Variants in OPCML observed in about 807,000 individuals in gnomAD.
The protein encoded by OPCML is opioid-binding protein/cell adhesion molecule.
Under a neutral mutation model 37.8 loss-of-function variants are expected in OPCML, and 13 were observed. The observed-to-expected ratio is 0.34, with a 90% CI of 0.22 to 0.55. The LOEUF (loss-of-function observed/expected upper bound fraction) is 0.55, where lower values mean the gene tolerates loss of function less well. Among genes scored for constraint, OPCML ranks in the 20% least tolerant of loss-of-function variants. The pLI is 0.91. For synonymous variants in OPCML, 176 were observed against 168.8 expected (o/e 1.04, Z -0.33); for missense variants, 341 against 435.6 (o/e 0.78, Z 1.93).
intron 2 of OPCML, among the ~76,000 whole-genome samples, chr11:132,782,192 G>A (rs1037905430): frequency 2.6e-5 from 4 of 151,970 alleles, no homozygotes; most frequent in Non-Finnish European, 4.4e-5. Flanking sequence ...AGATGTGAAT[G>A]AAGTGAGGAG....
chr11:132,673,452 G>A (rs1344970228), intron 2 of OPCML, among the ~76,000 whole-genome samples: 1 of 152,106 alleles, frequency 6.6e-6, no homozygotes, highest in African/African-American at 2.4e-5. Context: ...ACTATTTTCA[G>A]GAGTGAGAAT....
At chr11:132,856,580 C>A (rs2725440) in intron 2 of OPCML, among the ~76,000 whole-genome samples, 70,670 of 152,004 alleles carry the variant, frequency 0.46, 16,803 homozygotes, top group Middle Eastern at 0.55. Context: ...TCCCGATAAG[C>A]TCTCAGGAGG....
In OPCML at chr11:133,172,300, T is replaced by C. The variant is rs188853059; in HGVS notation, c.62-229290A>G. Reference sequence around the variant, plus strand: ...ATTCAGATGCATTTGCCATACAATATGCTAAGTGCTGTGGTGGAAACAGTG... The same window carrying C: ...ATTCAGATGCATTTGCCATACAATACGCTAAGTGCTGTGGTGGAAACAGTG... On this transcript the variant is annotated intron_variant, in intron 1 of 7. Coordinates refer to ENST00000524381, the MANE Select transcript of OPCML (RefSeq NM_001012393.5). Among the ~76,000 whole-genome samples, 3 of 152,246 alleles carry C rather than the reference T, an allele frequency of 2.0e-5. No individual in the cohort carries two copies. The East Asian group carries it at 5.8e-4, about 29-fold the overall frequency.
chr11:132,454,430 G>A (rs2136868919), intron 4 of OPCML, among the ~76,000 whole-genome samples: 1 of 152,320 alleles, frequency 6.6e-6, no homozygotes, highest in East Asian at 1.9e-4. Flanking sequence ...ACTCTTCCGA[G>A]GTCAGGCTTC....
chr11:132,958,554 G>A (rs572483840), intron 1 of OPCML, among the ~76,000 whole-genome samples: 2 of 152,350 alleles, frequency 1.3e-5, no homozygotes, highest in African/African-American at 4.8e-5. Context: ...GACTTTCATA[G>A]CTACAGAGGG....
chr11:133,267,201 G>C (rs1260214264), intron 1 of OPCML, among the ~76,000 whole-genome samples: 1 of 152,180 alleles, frequency 6.6e-6, no homozygotes, highest in Non-Finnish European at 1.5e-5. Flanking sequence ...TTTACTCGCA[G>C]TTTGATTTGG....
chr11:132,603,453 A>G (rs980259051), intron 3 of OPCML, among the ~76,000 whole-genome samples: 2 of 152,284 alleles, frequency 1.3e-5, no homozygotes, highest in East Asian at 3.9e-4. Flanking sequence ...TCTTAAATCC[A>G]TACATTATTC....
chr11:132,744,958 C>T (rs913746358), intron 2 of OPCML, among the ~76,000 whole-genome samples: 4 of 151,968 alleles, frequency 2.6e-5, no homozygotes, highest in African/African-American at 7.2e-5. Context: ...AGGAAGTGAA[C>T]GAGCTCCTAA....
chr11:132,427,771 T>A (rs917508202), intron 7 of OPCML, among the ~76,000 whole-genome samples: 5 of 152,208 alleles, frequency 3.3e-5, no homozygotes, highest in African/African-American at 1.2e-4. Context: ...AAATTCTAAA[T>A]GCTCAGGCTA....
intron 2 of OPCML, among the ~76,000 whole-genome samples, chr11:132,733,678 G>A (rs1028663912): frequency 2.6e-5 from 4 of 152,178 alleles, no homozygotes; most frequent in Non-Finnish European, 5.9e-5. Flanking sequence ...ACCTGGGTAT[G>A]AAACAAAGAA....
intron 1 of OPCML, among the ~76,000 whole-genome samples, chr11:132,986,266 TAGAGA>T (rs1946680319): frequency 6.6e-6 from 1 of 152,192 alleles, no homozygotes. Context: ...TCCTTGAGAT[TAGAGA>T]AAATATCTCA....
At chr11:132,749,184 C>G (rs1473632078) in intron 2 of OPCML, among the ~76,000 whole-genome samples, 2 of 152,136 alleles carry the variant, frequency 1.3e-5, no homozygotes, top group African/African-American at 4.8e-5. Context: ...TGCCCAGAAG[C>G]AAGCCCTCAC....
chr11:132,788,985 C>T (rs925113842), intron 2 of OPCML, among the ~76,000 whole-genome samples: 2 of 152,208 alleles, frequency 1.3e-5, no homozygotes, highest in Non-Finnish European at 2.9e-5. Context: ...CTAGTATCAG[C>T]TTCAGACTTT....
chr11:133,320,193 T>A lies in OPCML; in HGVS notation c.61+212071A>T, dbSNP rs117646835. ...CTCATTGACTGACACACTTAATTTTTCTAATCTGATCAATATTTGGTTAAT... is the reference window on the plus strand; with the variant it reads ...CTCATTGACTGACACACTTAATTTTACTAATCTGATCAATATTTGGTTAAT... On this transcript the variant is annotated intron_variant, in intron 1 of 7. Transcript: ENST00000524381. Among the ~76,000 whole-genome samples the A allele has an allele frequency of 6.6e-3, 1,007 of 152,336 alleles. 2 individuals are homozygous for A. Among genetic ancestry groups the A allele is most frequent in the Middle Eastern group, 0.014 (4 of 294 alleles).
chr11:133,467,625 T>C (rs1418519652), intron 1 of OPCML, among the ~76,000 whole-genome samples: 1 of 152,036 alleles, frequency 6.6e-6, no homozygotes, highest in Non-Finnish European at 1.5e-5. Flanking sequence ...CCATGGCAGG[T>C]TCTTCAGATG....
intron 1 of OPCML, among the ~76,000 whole-genome samples, chr11:133,168,537 A>T (rs892454817): frequency 6.6e-6 from 1 of 152,240 alleles, no homozygotes; most frequent in Non-Finnish European, 1.5e-5. Context: ...TTGAGCTGGC[A>T]GAAGACTTTA....
At chr11:132,690,770 T>C (rs543580021) in intron 2 of OPCML, among the ~76,000 whole-genome samples, 1 of 152,282 alleles carries the variant, frequency 6.6e-6, no homozygotes, top group East Asian at 1.9e-4. Context: ...TTGGGGTTAA[T>C]AAAGCCTAAG....
At chr11:132,668,725 G>A (rs532342669) in intron 2 of OPCML, among the ~76,000 whole-genome samples, 28 of 152,220 alleles carry the variant, frequency 1.8e-4, no homozygotes, top group African/African-American at 5.8e-4. Context: ...CTATAAAAAC[G>A]GATATTGATG....
At chr11:132,751,215 ATTC>A (rs1326377170) in intron 2 of OPCML, among the ~76,000 whole-genome samples, 1 of 151,900 alleles carries the variant, frequency 6.6e-6, no homozygotes, top group Non-Finnish European at 1.5e-5. Flanking sequence ...TCCTTATTTT[ATTC>A]TTTGTGGCCT....
Sources: gnomAD v4.1 joint callset for allele counts (sites outside exome capture counted in the v4.1 genomes callset) on GRCh38, gnomAD v4.1.1 for gene constraint, MANE v1.5 for transcripts, NCBI Gene and HGNC (gene_info 2026-07-23, HGNC 2026-07-21) for gene names.